Variants in SCARA3 observed in about 807,000 individuals in gnomAD.
The protein encoded by SCARA3 is cellular stress response gene protein.
In SCARA3, 39 loss-of-function variants were observed where a neutral mutation model predicts 47.0. That is an observed-to-expected ratio of 0.83 (90% CI 0.64 to 1.08). The LOEUF is 1.08. SCARA3 is among the 50% of genes least tolerant of loss of function. The probability of loss-of-function intolerance (pLI) is 0.00; values close to 1 mark genes in which losing one functional copy is unlikely to be tolerated. For synonymous variants in SCARA3, 356 were observed against 334.1 expected, an observed-to-expected ratio of 1.07 and a Z score of -0.71; for missense variants, 724 against 792.3, an observed-to-expected ratio of 0.91 and a Z score of 1.04.
At chr8:27,669,959 T>C (rs1424717080) in intron 5 of SCARA3, among the ~76,000 whole-genome samples, 1 of 151,852 alleles carries the variant, frequency 6.6e-6, no homozygotes, top group African/African-American at 2.4e-5. Flanking sequence ...TTCTGCCTTG[T>C]GTCCTCAGGG....
At chr8:27,714,131 C>T in the SCARA3 span, among the ~76,000 whole-genome samples, 292 of 151,956 alleles carry the variant, frequency 1.9e-3, 1 homozygote, top group African/African-American at 6.7e-3. Flanking sequence ...TCCTGTACAA[C>T]CTGCAGGACA....
chr8:27,686,546 G>C, the SCARA3 span, among the ~76,000 whole-genome samples: 1 of 152,026 alleles, frequency 6.6e-6, no homozygotes, highest in Admixed American at 6.5e-5. Context: ...AGGACACAAG[G>C]CTTCCCTGTT....
rs71553870 is a variant in SCARA3 at position 27,644,621 on chromosome 8, G to GGA, written c.8-5056_8-5055dup. 6.0e-3 allele frequency among the ~76,000 whole-genome samples: 889 copies of GGA among 147,176 alleles called. 1 individual carries two copies. Among genetic ancestry groups the GGA allele is most frequent in the East Asian group, 0.012 (62 of 5,016 alleles). ...AATCCACAAAATGAAGAAAAGAAGG[G>GGA]GAGAGAGAGAGAGAGAGAGAGAGAG... On this transcript the variant is annotated intron_variant, in intron 1 of 5. Coordinates refer to ENST00000301904, the MANE Select transcript of SCARA3 (RefSeq NM_016240.3).
Position 27,672,380 on chromosome 8 carries a change from G to T in SCARA3, c.*1029G>T, listed in dbSNP as rs1322646820. On this transcript the variant is annotated 3_prime_UTR_variant, in exon 6 of 6. Coordinates refer to ENST00000301904, the MANE Select transcript of SCARA3 (RefSeq NM_016240.3). Reference sequence around the variant, plus strand: ...GATGGGAGACAGAGGCAGGCCAGAAGGTTCTCTCTGCACAGCTGCCTCCCT... The same window carrying T: ...GATGGGAGACAGAGGCAGGCCAGAATGTTCTCTCTGCACAGCTGCCTCCCT... 5.1e-6 allele frequency: 5 copies of T among 985,434 alleles called. No homozygotes were observed. In the African/African-American group the frequency reaches 8.7e-5, roughly 17 times the overall value. 61.0% of individuals were successfully genotyped at this position (985,434 alleles called of 1,614,324 possible). A position where few individuals can be genotyped will look rare whatever the true frequency, so the allele number is the denominator to read the frequency against.
chr8:27,673,453 C>T (rs28417228), downstream of SCARA3, among the ~76,000 whole-genome samples: 2,864 of 152,322 alleles, frequency 0.019, 96 homozygotes, highest in African/African-American at 0.065. Context: ...AGAGGACAGC[C>T]GGATCCTCTG....
Position 27,658,637 on chromosome 8 carries a change from C to T in SCARA3, c.467C>T (p.Ala156Val). 1.2e-6 allele frequency: 2 copies of T among 1,614,086 alleles called. No homozygotes were observed. The highest frequency in any genetic ancestry group is 1.7e-6 in the Non-Finnish European group (2 of 1,180,010). ...GTGCAGCTGGACCAGACCTTACAGG[C>T]CCAGGAGGTGCTCTCCACCACCAGC... ...QEVQLDQTLQAQEVLSTTSRQ... is the reference protein window; with the variant it reads ...QEVQLDQTLQVQEVLSTTSRQ... The change falls in exon 5 of 6, where the codon GCC becomes GTC. Residue 156 changes from alanine (A) to valine (V), a missense_variant. Physicochemically the swap from Ala to Val is moderately conservative, Grantham distance 64. Transcript: ENST00000301904.
the SCARA3 span, among the ~76,000 whole-genome samples, chr8:27,696,498 C>A: frequency 2.0e-5 from 3 of 152,172 alleles, no homozygotes; most frequent in South Asian, 2.1e-4. Context: ...CTCTGTCACC[C>A]AGGCTGGAGT....
At chr8:27,662,792 G>A (rs1028799676) in intron 5 of SCARA3, among the ~76,000 whole-genome samples, 3 of 152,158 alleles carry the variant, frequency 2.0e-5, no homozygotes. Flanking sequence ...ATGTTGTTAA[G>A]CCCATGGGTA....
At chr8:27,733,356 ATCAT>A in the SCARA3 span, 2 of 152,172 alleles carry the variant, frequency 1.3e-5, no homozygotes, top group South Asian at 2.1e-4. Context: ...TATTTTACAG[ATCAT>A]TCATTCAGGA....
rs1052753259 is a variant in SCARA3 at position 27,671,341 on chromosome 8, G to A, written c.1811G>A (p.Ser604Asn). The stretch of plus-strand genomic sequence containing the variant: ...CCTCCAGGTCCACCAGGAAGCCAGA[G>A]CTTCTACTGAGGAGGGCTGTGGCAG... Reference protein sequence around the residue: ...PGPPGPPGSQSFY With the variant: ...PGPPGPPGSQNFY Residue 604 changes from serine to asparagine, a missense_variant, in exon 6 of 6, where the codon AGC (serine) becomes AAC (asparagine). Coordinates refer to ENST00000301904, the MANE Select transcript of SCARA3 (RefSeq NM_016240.3). 12 of 1,423,806 alleles carry A rather than the reference G, an allele frequency of 8.4e-6. No homozygotes were observed. Among genetic ancestry groups the A allele is most frequent in the Non-Finnish European group, 1.1e-5 (12 of 1,090,364 alleles). The allele number at this position is 1,423,806 out of a possible 1,614,324, so 88.2% of individuals were successfully genotyped here.
the SCARA3 span, among the ~76,000 whole-genome samples, chr8:27,682,652 C>T: frequency 6.6e-6 from 1 of 151,902 alleles, no homozygotes; most frequent in Admixed American, 6.6e-5. Flanking sequence ...TATCAGGTGA[C>T]CAAGGAAATG....
chr8:27,678,314 G>A (rs1802307997), downstream of SCARA3, among the ~76,000 whole-genome samples: 1 of 151,966 alleles, frequency 6.6e-6, no homozygotes, highest in African/African-American at 2.4e-5. Context: ...AATAAAAGAG[G>A]GAAGACAGAG....
downstream of SCARA3, chr8:27,676,432 C>T: frequency 1.2e-6 from 1 of 840,722 alleles, no homozygotes; most frequent in Non-Finnish European, 1.9e-6. Flanking sequence ...AGGTGCTGAC[C>T]TCAGCCAGGC....
the SCARA3 span, among the ~76,000 whole-genome samples, chr8:27,720,618 C>CTCCATCCATCCATCCA: frequency 1.1e-3 from 167 of 145,486 alleles, 1 homozygote; most frequent in Non-Finnish European, 1.4e-3. Flanking sequence ...TCCTTTCTAT[C>CTCCATCCATCCATCCA]TCCATCCATC....
At position 27,658,489 on chromosome 8, in the gene SCARA3, C is replaced by G; in HGVS notation, c.326-7C>G. On this transcript the variant is annotated splice_region_variant and splice_polypyrimidine_tract_variant and intron_variant, in intron 4 of 5. Coordinates refer to ENST00000301904, the MANE Select transcript of SCARA3 (RefSeq NM_016240.3). ...GCAACTCAAACTGTTATCCCTTTCC[C>G]CTAAAGATCCGAAAGCCCTGAACAA... The G allele has an allele frequency of 6.3e-7, 1 of 1,590,122 alleles. No individual in the cohort carries two copies. Among genetic ancestry groups the G allele is most frequent in the Non-Finnish European group, 8.5e-7 (1 of 1,169,988 alleles).
chr8:27,637,791 C>T (rs2128914146), intron 1 of SCARA3, among the ~76,000 whole-genome samples: 1 of 152,154 alleles, frequency 6.6e-6, no homozygotes, highest in African/African-American at 2.4e-5. Flanking sequence ...GCTGTGAAAA[C>T]ACAGCGATGC....
At chr8:27,723,982 C>T in the SCARA3 span, among the ~76,000 whole-genome samples, 5 of 152,188 alleles carry the variant, frequency 3.3e-5, no homozygotes, top group Admixed American at 3.3e-4. Context: ...GTGATCCACC[C>T]GCCTCAGCCT....
chr8:27,698,915 A>G, the SCARA3 span, among the ~76,000 whole-genome samples: 18 of 152,240 alleles, frequency 1.2e-4, no homozygotes, highest in African/African-American at 4.1e-4. Flanking sequence ...ATCTATATAT[A>G]TATCTCATGT....
chr8:27,680,512 A>G (rs1442235620), downstream of SCARA3, among the ~76,000 whole-genome samples: 1 of 152,164 alleles, frequency 6.6e-6, no homozygotes, highest in African/African-American at 2.4e-5. Flanking sequence ...TAATACAAAA[A>G]GAAAATCTCC....
Sources: allele counts gnomAD v4.1 joint callset (sites outside exome capture counted in the v4.1 genomes callset), GRCh38; gene constraint gnomAD v4.1.1; transcripts MANE v1.5; gene names NCBI Gene and HGNC (gene_info 2026-07-23, HGNC 2026-07-21).